Variants in MICAL3 observed in about 807,000 individuals in gnomAD.
The protein encoded by MICAL3 is microtubule associated monooxygenase, calponin and LIM domain containing 3.
Under a neutral mutation model 207.4 loss-of-function variants are expected in MICAL3, and 62 were observed. That is an observed-to-expected ratio of 0.30 (90% CI 0.24 to 0.37). The LOEUF is 0.37. Ranked by LOEUF, MICAL3 falls within the 10% of genes least tolerant of loss-of-function variation. The pLI, the probability that MICAL3 is intolerant of heterozygous loss-of-function variation, is 1.00. For missense variants in MICAL3, 2,368 were observed against 2,635.6 expected, an observed-to-expected ratio of 0.90 and a Z score of 2.22; for synonymous variants, 1,077 against 1,069.3, an observed-to-expected ratio of 1.01 and a Z score of -0.14.
intron 1 of MICAL3, among the ~76,000 whole-genome samples, chr22:17,935,266 A>G (rs1359829946): frequency 6.6e-6 from 1 of 152,240 alleles, no homozygotes; most frequent in Non-Finnish European, 1.5e-5. Flanking sequence ...GGCCTCAGAA[A>G]TAATGCCACA....
At chr22:17,949,710 C>T (rs1041365351) in intron 1 of MICAL3, among the ~76,000 whole-genome samples, 5 of 152,198 alleles carry the variant, frequency 3.3e-5, no homozygotes, top group South Asian at 2.1e-4. Context: ...GCCAAGGATG[C>T]GTCAGGTGCT....
At chr22:18,003,112 A>G (rs1010745052) in intron 1 of MICAL3, among the ~76,000 whole-genome samples, 1 of 150,346 alleles carries the variant, frequency 6.7e-6, no homozygotes, top group Admixed American at 6.7e-5. Flanking sequence ...GTGAGCCAAG[A>G]TTGCACCACT....
chr22:17,981,860 A>G (rs1443363474), intron 1 of MICAL3, among the ~76,000 whole-genome samples: 1 of 152,182 alleles, frequency 6.6e-6, no homozygotes, highest in Non-Finnish European at 1.5e-5. Flanking sequence ...GAGGTAGCCC[A>G]CACCTGCTGA....
At chr22:17,967,397 A>C (rs1488601529) in intron 1 of MICAL3, among the ~76,000 whole-genome samples, 2 of 152,046 alleles carry the variant, frequency 1.3e-5, no homozygotes, top group Non-Finnish European at 2.9e-5. Flanking sequence ...CATTTACTCA[A>C]GCGACAATAT....
At position 17,821,472 on chromosome 22, in the gene MICAL3, C is replaced by T. The variant is rs753200834; in HGVS notation, c.3486G>A (p.Gln1162=). Residue 1162 remains glutamine (Q), a synonymous_variant, in exon 25 of 32, where the codon CAG becomes CAA. Transcript: ENST00000441493. ...SQATSPIRSP[Q]ESALLFIPVH... ...CTGGAATGAACAGAAGAGCTGATTC[C>T]TGGGGAGACCGGATGGGGCTGGTGG... 1.3e-6 allele frequency: 2 copies of T among 1,544,812 alleles called. No individual in the cohort carries two copies. The highest frequency in any genetic ancestry group is 1.7e-6 in the Non-Finnish European group (2 of 1,146,044).
At chr22:17,968,199 G>A (rs443983) in intron 1 of MICAL3, among the ~76,000 whole-genome samples, 92,249 of 152,076 alleles carry the variant, frequency 0.61, 28,905 homozygotes, top group Middle Eastern at 0.78. Context: ...AGAGGAAAGA[G>A]AGGAAATGGC....
chr22:17,877,322 T>TAGGGAGGTTAGGGAGGTG, intron 16 of MICAL3, among the ~76,000 whole-genome samples: 1 of 65,104 alleles, frequency 1.5e-5, no homozygotes, highest in Non-Finnish European at 3.0e-5. Context: ...TTAGGGAGGT[T>TAGGGAGGTTAGGGAGGTG]AGGGAGGTTA....
intron 1 of MICAL3, among the ~76,000 whole-genome samples, chr22:17,947,121 C>A (rs569185888): frequency 1.3e-5 from 2 of 152,200 alleles, no homozygotes; most frequent in Admixed American, 6.5e-5. Context: ...AGATCAGAGC[C>A]GGGCTGCAAG....
At chr22:17,872,980 C>A (rs1300927392) in intron 16 of MICAL3, 9 of 685,596 alleles carry the variant, frequency 1.3e-5, no homozygotes, top group African/African-American at 3.6e-5. Context: ...CAAGGTGCAG[C>A]AGCAAACCAT....
rs904646327 is a variant in MICAL3 at position 17,789,760 on chromosome 22, G to A, written c.*972C>T. The A allele has an allele frequency of 4.6e-5, 7 of 152,402 alleles. No homozygotes were observed. The highest frequency in any genetic ancestry group is 2.1e-4 in the South Asian group (1 of 4,834). The allele number at this position is 152,402 out of a possible 1,614,324, so 9.4% of individuals were successfully genotyped here. ...CTGTGGCTCCCGCACCCGGGCGCAG[G>A]TGATCAGTTCCTCTAGTAAAGATAC... On this transcript the variant is annotated 3_prime_UTR_variant, in exon 32 of 32. Transcript: ENST00000441493.
intron 16 of MICAL3, among the ~76,000 whole-genome samples, chr22:17,877,844 T>TA (rs1435913615): frequency 6.6e-6 from 1 of 151,998 alleles, no homozygotes; most frequent in Non-Finnish European, 1.5e-5. Context: ...TCCCCTCCCT[T>TA]CTTCTTTTTT....
intron 1 of MICAL3, 103 bp from the exon 2 acceptor site, chr22:17,906,989 T>A: frequency 1.6e-6 from 1 of 621,008 alleles, no homozygotes; most frequent in Non-Finnish European, 2.7e-6. Flanking sequence ...GTCGCAGTCA[T>A]CCATCCATAA....
chr22:17,850,095 T>C (rs1925131270), intron 19 of MICAL3, among the ~76,000 whole-genome samples: 1 of 152,162 alleles, frequency 6.6e-6, no homozygotes, highest in African/African-American at 2.4e-5. Context: ...GCAGGTGACA[T>C]GGGCTCACTG....
rs1569110204 is a variant in MICAL3 at position 17,877,319 on chromosome 22, GGTT to G, written c.2242-5299_2242-5297del. On this transcript the variant is annotated intron_variant, in intron 16 of 31. Transcript: ENST00000441493. ...TTAGGGAGGTTATGGAGGTTAGGGA[GGTT>G]AGGGAGGTTATGGAGGTTAGGGAGG... Among the ~76,000 whole-genome samples, 7 of 102,440 alleles carry G rather than the reference GGTT, an allele frequency of 6.8e-5. No individual in the cohort carries two copies. The South Asian group carries it at 8.7e-4, about 13-fold the overall frequency. 67.2% of individuals were successfully genotyped at this position (102,440 alleles called of 152,430 possible). A position where few individuals can be genotyped will look rare whatever the true frequency, so the allele number is the denominator to read the frequency against.
At chr22:17,865,318 G>C (rs907470429) in intron 18 of MICAL3, among the ~76,000 whole-genome samples, 2 of 152,138 alleles carry the variant, frequency 1.3e-5, no homozygotes, top group Non-Finnish European at 2.9e-5. Flanking sequence ...AGCCCTCAAG[G>C]GGGACTGACA....
At chr22:17,960,794 C>G (rs1323935746) in intron 1 of MICAL3, among the ~76,000 whole-genome samples, 1 of 152,134 alleles carries the variant, frequency 6.6e-6, no homozygotes, top group Non-Finnish European at 1.5e-5. Context: ...AAGCACTAAG[C>G]TGTGCCAGGG....
chr22:17,800,673 T>G (rs1434401800), intron 29 of MICAL3, among the ~76,000 whole-genome samples: 1 of 152,152 alleles, frequency 6.6e-6, no homozygotes, highest in Non-Finnish European at 1.5e-5. Context: ...CGAGGGCTGC[T>G]TGGAGCTTTG....
chr22:17,817,398 CCTT>C lies in MICAL3; in HGVS notation c.5260_5262del (p.Lys1754del), dbSNP rs762732991. On this transcript the variant is annotated inframe_deletion, in exon 26 of 32. Transcript: ENST00000441493. ...GTGCTGGGGCAGGACTTGTCGTCGG[CCTT>C]CTTCTTCTTGTCCTTCTTGTACCCG... 6.2e-6 allele frequency: 10 copies of C among 1,613,148 alleles called. No homozygotes were observed. Among genetic ancestry groups the C allele is most frequent in the East Asian group, 2.2e-5 (1 of 44,854 alleles).
chr22:17,988,747 C>T (rs1353648007), intron 1 of MICAL3, among the ~76,000 whole-genome samples: 2 of 152,174 alleles, frequency 1.3e-5, no homozygotes, highest in African/African-American at 2.4e-5. Flanking sequence ...TGAGCCACCG[C>T]GCCTGGCCTG....
Sources: gnomAD v4.1 joint callset for allele counts (sites outside exome capture counted in the v4.1 genomes callset) on GRCh38, gnomAD v4.1.1 for gene constraint, MANE v1.5 for transcripts, NCBI Gene and HGNC (gene_info 2026-07-23, HGNC 2026-07-21) for gene names.